DBNL: variants seen among roughly 807,000 people sequenced by gnomAD.
The protein encoded by DBNL is drebrin-like protein.
Under a neutral mutation model 62.2 loss-of-function variants are expected in DBNL, and 35 were observed. The ratio of observed to expected loss-of-function variants is 0.56; its 90% CI spans 0.43 to 0.75. DBNL has a LOEUF of 0.75. DBNL is among the 30% of genes least tolerant of loss of function. The pLI is 0.00. For missense variants in DBNL, 495 were observed against 578.4 expected, an observed-to-expected ratio of 0.86 and a Z score of 1.48; for synonymous variants, 197 against 218.0, an observed-to-expected ratio of 0.90 and a Z score of 0.85.
chr7:44,065,240 C>T lies in DBNL; in HGVS notation c.*4324C>T, dbSNP rs77938727. ...GGCGGCCGTTTCTGCCTTGTTGAGG[C>T]CTGTGAGGCCCCCGTAATGCCGCTC... On this transcript the variant is annotated 3_prime_UTR_variant, in exon 13 of 13. Coordinates refer to ENST00000448521, the MANE Select transcript of DBNL (RefSeq NM_001014436.3). 5.2e-4 allele frequency: 839 copies of T among 1,613,944 alleles called. 11 individuals are homozygous for T. The East Asian group carries it at 0.016, about 30-fold the overall frequency.
At position 44,058,453 on chromosome 7, in the gene DBNL, AGTG is replaced by A; in HGVS notation, c.729_731del (p.Val244del). 6.2e-7 allele frequency: 1 copy of A among 1,614,244 alleles called. No individual in the cohort carries two copies. The highest frequency in any genetic ancestry group is 8.5e-7 in the Non-Finnish European group (1 of 1,180,044). ...GCAGGACGTGGGAGCAGCAGCAAGA[AGTG>A]GTTTCAAGGAACCGAAATGAGCAGG... On this transcript the variant is annotated inframe_deletion, in exon 8 of 13. Transcript: ENST00000448521.
In DBNL at chr7:44,059,060, C is replaced by A; in HGVS notation, c.835+77C>A. 1 of 1,486,932 alleles carries A rather than the reference C, an allele frequency of 6.7e-7. No individual in the cohort carries two copies. The highest frequency in any genetic ancestry group is 1.1e-5 in the South Asian group (1 of 87,290). The allele number at this position is 1,486,932 out of a possible 1,614,324, so 92.1% of individuals were successfully genotyped here. A position where few individuals can be genotyped will look rare whatever the true frequency, so the allele number is the denominator to read the frequency against. ...GCCTGGGGTCCTATGTGGGCTCCCCCAAGGCTAGTGACAGATATATCGGTG... is the reference window on the plus strand; with the variant it reads ...GCCTGGGGTCCTATGTGGGCTCCCCAAAGGCTAGTGACAGATATATCGGTG... On this transcript the variant is annotated intron_variant, in intron 9 of 12. Coordinates refer to ENST00000448521, the MANE Select transcript of DBNL (RefSeq NM_001014436.3). The surrounding 1 kb of genome is among the most constrained non-coding windows in gnomAD (Gnocchi z 4.1).
chr7:44,053,039 T>G, intron 4 of DBNL, 98 bp downstream of exon 4: 2 of 1,456,386 alleles, frequency 1.4e-6, no homozygotes, highest in Non-Finnish European at 1.9e-6. Flanking sequence ...AGAACTGGAG[T>G]TGGGAGTGTG....
Position 44,065,173 on chromosome 7 carries a change from G to A in DBNL, c.*4257G>A, listed in dbSNP as rs761614448. 38 of 1,613,886 alleles carry A rather than the reference G, an allele frequency of 2.4e-5. No homozygotes were observed. The highest frequency in any genetic ancestry group is 7.7e-5 in the South Asian group (7 of 91,092). Reference sequence around the variant, plus strand: ...CGTCCATCGGGGGCGGCGGGATGTCGAAGGAGCGCCTCCAGATCTTCACCT... The same window carrying A: ...CGTCCATCGGGGGCGGCGGGATGTCAAAGGAGCGCCTCCAGATCTTCACCT... On this transcript the variant is annotated 3_prime_UTR_variant, in exon 13 of 13. Coordinates refer to ENST00000448521, the MANE Select transcript of DBNL (RefSeq NM_001014436.3).
At chr7:44,048,969 C>T (rs2096121831) in intron 1 of DBNL, among the ~76,000 whole-genome samples, 1 of 152,156 alleles carries the variant, frequency 6.6e-6, no homozygotes, top group Admixed American at 6.5e-5. Context: ...ATCCTCCCAC[C>T]TCAGCCTCCC....
rs2096156189 is a variant in DBNL at position 44,064,851 on chromosome 7, G to A, written c.*3935G>A. On this transcript the variant is annotated 3_prime_UTR_variant, in exon 13 of 13. Transcript: ENST00000448521. Reference sequence around the variant, plus strand: ...CCTCACCTTCCAGGTGCTTGACAATGCCCCGCAGGCTGTTCCCGTGGGCTG... The same window carrying A: ...CCTCACCTTCCAGGTGCTTGACAATACCCCGCAGGCTGTTCCCGTGGGCTG... 7.3e-7 allele frequency: 1 copy of A among 1,362,496 alleles called. No individual in the cohort carries two copies. Among genetic ancestry groups the A allele is most frequent in the Non-Finnish European group, 9.8e-7 (1 of 1,022,710 alleles). 84.4% of individuals were successfully genotyped at this position (1,362,496 alleles called of 1,614,324 possible). A position where few individuals can be genotyped will look rare whatever the true frequency, so the allele number is the denominator to read the frequency against.
In DBNL at chr7:44,060,756, C is replaced by A; in HGVS notation, c.1154-21C>A. The A allele has an allele frequency of 6.2e-7, 1 of 1,611,368 alleles. No individual in the cohort carries two copies. The highest frequency in any genetic ancestry group is 1.7e-5 in the Admixed American group (1 of 59,882). On this transcript the variant is annotated intron_variant, in intron 12 of 12. Transcript: ENST00000448521. This position sits in a 1 kb window ranked among gnomAD's most constrained non-coding sequence, Gnocchi z 6.3. ...GTGGGAGGGAGCCCCTGATATGCATCTGGGCTCATCCTCTTTGCAGCCGAC... is the reference window on the plus strand; with the variant it reads ...GTGGGAGGGAGCCCCTGATATGCATATGGGCTCATCCTCTTTGCAGCCGAC...
intron 4 of DBNL, 141 bp downstream of exon 4, chr7:44,053,082 G>T (rs1299323340): frequency 8.8e-7 from 1 of 1,140,190 alleles, no homozygotes; most frequent in African/African-American, 1.5e-5. Context: ...TGCCTTTGAG[G>T]GCATGACCAG....
chr7:44,046,928 C>G (rs1200680753), intron 1 of DBNL, among the ~76,000 whole-genome samples: 1 of 152,208 alleles, frequency 6.6e-6, no homozygotes, highest in Non-Finnish European at 1.5e-5. Context: ...CTCTGGCCGT[C>G]TTTCTCTTCC....
At chr7:44,045,390 CA>C (rs1356427698) in intron 1 of DBNL, among the ~76,000 whole-genome samples, 1 of 152,160 alleles carries the variant, frequency 6.6e-6, no homozygotes, top group African/African-American at 2.4e-5. Flanking sequence ...TTCGTTTCTC[CA>C]AAAAGTGTAC....
Position 44,060,267 on chromosome 7 carries a change from G to T in DBNL, c.1153+114G>T. The stretch of plus-strand genomic sequence containing the variant: ...AGGGGGTATCAGGAAGAGAAGACAG[G>T]AGGGTGGGCGGTGCGTTTAGGGGTA... On this transcript the variant is annotated intron_variant, in intron 12 of 12. Transcript: ENST00000448521. This position sits in a 1 kb window ranked among gnomAD's most constrained non-coding sequence, Gnocchi z 6.3. The T allele has an allele frequency of 1.0e-6, 1 of 979,862 alleles. No individual in the cohort carries two copies. 60.7% of individuals were successfully genotyped at this position (979,862 alleles called of 1,614,324 possible).
chr7:44,059,260 C>A lies in DBNL; in HGVS notation c.836-94C>A. On this transcript the variant is annotated intron_variant, in intron 9 of 12. Coordinates refer to ENST00000448521, the MANE Select transcript of DBNL (RefSeq NM_001014436.3). This position sits in a 1 kb window ranked among gnomAD's most constrained non-coding sequence, Gnocchi z 4.1. The stretch of plus-strand genomic sequence containing the variant: ...ACTAGCAAGAGCAAGCCCCATGAGA[C>A]TGCCTCGAGCACACCAGGGTGGAGG... The A allele has an allele frequency of 7.7e-7, 1 of 1,300,372 alleles. No homozygotes were observed. Among genetic ancestry groups the A allele is most frequent in the Non-Finnish European group, 1.1e-6 (1 of 929,284 alleles). 80.6% of individuals were successfully genotyped at this position (1,300,372 alleles called of 1,614,324 possible).
rs753602330 is a variant in DBNL, at chr7:44,065,518, G to T, written c.*4602G>T. ...CGCCGTGCCGGACCATCACGAGGCG[G>T]TGAGTGGCCATGGTGGCAGCAGGGA... On this transcript the variant is annotated 3_prime_UTR_variant, in exon 13 of 13. Coordinates refer to ENST00000448521, the MANE Select transcript of DBNL (RefSeq NM_001014436.3). 5.0e-6 allele frequency: 8 copies of T among 1,613,962 alleles called. No homozygotes were observed. Among genetic ancestry groups the T allele is most frequent in the Non-Finnish European group, 6.8e-6 (8 of 1,179,992 alleles).
chr7:44,062,749 G>T lies in DBNL; in HGVS notation c.*1833G>T. ...GGCTGTTGGGGGAGGTGCCTTTATT[G>T]CCCAAGCCCACCCCTCACTTGGCCT... On this transcript the variant is annotated 3_prime_UTR_variant, in exon 13 of 13. Coordinates refer to ENST00000448521, the MANE Select transcript of DBNL (RefSeq NM_001014436.3). 6.2e-7 allele frequency: 1 copy of T among 1,613,634 alleles called. No individual in the cohort carries two copies. Among genetic ancestry groups the T allele is most frequent in the South Asian group, 1.1e-5 (1 of 91,050 alleles).
rs756101955 is a variant in DBNL at position 44,068,355 on chromosome 7, T to A, written c.*7439T>A. 1.3e-5 allele frequency: 2 copies of A among 152,130 alleles called. No homozygotes were observed. Among genetic ancestry groups the A allele is most frequent in the Admixed American group, 6.5e-5 (1 of 15,278 alleles). The allele number at this position is 152,130 out of a possible 1,614,324, so 9.4% of individuals were successfully genotyped here. A position where few individuals can be genotyped will look rare whatever the true frequency, so the allele number is the denominator to read the frequency against. On this transcript the variant is annotated 3_prime_UTR_variant, in exon 13 of 13. Coordinates refer to ENST00000448521, the MANE Select transcript of DBNL (RefSeq NM_001014436.3). ...AGATGAAGTGAGTGATCCGATAAAG[T>A]GATATGTGAAGTCATTGGCTTGCTG...
chr7:44,058,229 C>T lies in DBNL; in HGVS notation c.653C>T (p.Ala218Val). ...ERRERELREA[A>V]RREQRYQEQG... ...CGGGAGCGTGAGCTGCGTGAGGCTG[C>T]ACGCCGGGAGCAGCGCTATCAGGAG... Residue 218 changes from alanine (A) to valine (V), a missense_variant, in exon 7 of 13, where the codon GCA (alanine) becomes GTA (valine). By Grantham distance (64) the Ala-to-Val change is moderately conservative (BLOSUM62 0). Transcript: ENST00000448521. 6.3e-7 allele frequency: 1 copy of T among 1,575,060 alleles called. No individual in the cohort carries two copies. The highest frequency in any genetic ancestry group is 8.6e-7 in the Non-Finnish European group (1 of 1,161,938).
Position 44,065,817 on chromosome 7 carries a change from C to T in DBNL, c.*4901C>T. The T allele has an allele frequency of 1.9e-6, 1 of 533,418 alleles. No individual in the cohort carries two copies. The highest frequency in any genetic ancestry group is 3.4e-6 in the Non-Finnish European group (1 of 294,218). 33.0% of individuals were successfully genotyped at this position (533,418 alleles called of 1,614,324 possible). ...CACCCAGAGCCCAGACTGAGTGGGG[C>T]TGCTGGTCAGGGATGGGCGTGAAGG... On this transcript the variant is annotated 3_prime_UTR_variant, in exon 13 of 13. Transcript: ENST00000448521.
rs1585996581 is a variant in DBNL, at chr7:44,060,682, T to G, written c.1154-95T>G. The G allele has an allele frequency of 6.7e-7, 1 of 1,489,208 alleles. No individual in the cohort carries two copies. Among genetic ancestry groups the G allele is most frequent in the Non-Finnish European group, 9.1e-7 (1 of 1,097,380 alleles). 92.2% of individuals were successfully genotyped at this position (1,489,208 alleles called of 1,614,324 possible). A position where few individuals can be genotyped will look rare whatever the true frequency, so the allele number is the denominator to read the frequency against. On this transcript the variant is annotated intron_variant, in intron 12 of 12. Transcript: ENST00000448521. The surrounding 1 kb of genome is among the most constrained non-coding windows in gnomAD (Gnocchi z 6.3). ...AGGAGGAACCAGAGCTGCAGCGAGG[T>G]GTGCTGCAGCAGTGTGGGGCTGCCG... is the stretch of plus-strand genomic sequence containing the variant.
At chr7:44,045,639 G>A (rs188560810) in intron 1 of DBNL, among the ~76,000 whole-genome samples, 73 of 152,338 alleles carry the variant, frequency 4.8e-4, no homozygotes, top group African/African-American at 1.7e-3. Context: ...AGTCGTGGTG[G>A]GGCCACACTG....
Sources: allele counts gnomAD v4.1 joint callset (sites outside exome capture counted in the v4.1 genomes callset), GRCh38; gene constraint gnomAD v4.1.1; non-coding constraint Gnocchi (gnomAD v3.1); transcripts MANE v1.5; gene names NCBI Gene and HGNC (gene_info 2026-07-23, HGNC 2026-07-21).